The following RGS6 variants were observed in gnomAD, a reference collection of about 807,000 sequenced individuals.
RGS6 encodes regulator of G-protein signaling 6.
A neutral mutation model predicts 78.5 loss-of-function variants in RGS6; 30 were observed. The observed-to-expected ratio is 0.38, with a 90% CI of 0.29 to 0.52. The LOEUF (loss-of-function observed/expected upper bound fraction) is 0.52, where lower values mean the gene tolerates loss of function less well. RGS6 is among the 20% of genes least tolerant of loss of function. The pLI is 0.85. For missense variants in RGS6, 495 were observed against 609.7 expected, an observed-to-expected ratio of 0.81 and a Z score of 1.98; for synonymous variants, 206 against 206.0, an observed-to-expected ratio of 1.00 and a Z score of 0.00.
upstream of RGS6, among the ~76,000 whole-genome samples, chr14:71,931,154 A>AT (rs1426921861): frequency 1.3e-5 from 2 of 152,132 alleles, no homozygotes; most frequent in Admixed American, 1.3e-4. Context: ...GGAAAGAAAG[A>AT]TTTTATATTT....
chr14:72,127,473 G>C (rs1301337190), intron 2 of RGS6, among the ~76,000 whole-genome samples: 1 of 151,978 alleles, frequency 6.6e-6, no homozygotes, highest in Non-Finnish European at 1.5e-5. Flanking sequence ...TTCTTAAGCT[G>C]GGTTTCATTA....
chr14:72,606,362 A>T, the RGS6 span, among the ~76,000 whole-genome samples: 1 of 152,212 alleles, frequency 6.6e-6, no homozygotes, highest in Non-Finnish European at 1.5e-5. Context: ...AATGTCACCC[A>T]GCCAGATAAG....
At chr14:72,289,009 A>C (rs1288668767) in intron 2 of RGS6, among the ~76,000 whole-genome samples, 1 of 152,218 alleles carries the variant, frequency 6.6e-6, no homozygotes, top group Admixed American at 6.5e-5. Flanking sequence ...CAGAGCCACG[A>C]AACCCAAATT....
the RGS6 span, among the ~76,000 whole-genome samples, chr14:72,624,929 C>T: frequency 0.014 from 2,147 of 152,242 alleles, 56 homozygotes; most frequent in African/African-American, 0.048. Context: ...GAGGCCAGTA[C>T]GTCTTATTAC....
At chr14:71,954,050 C>A (rs148800987) in intron 1 of RGS6, among the ~76,000 whole-genome samples, 1 of 121,216 alleles carries the variant, frequency 8.2e-6, no homozygotes, top group Non-Finnish European at 1.6e-5. Flanking sequence ...TAATTCTTAT[C>A]CTCATTCTTC....
At chr14:72,370,801 T>C (rs1166122270) in intron 3 of RGS6, among the ~76,000 whole-genome samples, 3 of 152,258 alleles carry the variant, frequency 2.0e-5, no homozygotes, top group Non-Finnish European at 4.4e-5. Flanking sequence ...AGCACTTTTC[T>C]GTTTGTATAA....
intron 2 of RGS6, among the ~76,000 whole-genome samples, chr14:72,078,732 A>G (rs1466036156): frequency 6.6e-6 from 1 of 152,074 alleles, no homozygotes; most frequent in African/African-American, 2.4e-5. Flanking sequence ...ATTTCTTTAT[A>G]GCAGTGTGAG....
At chr14:72,228,921 G>A (rs942095725) in intron 2 of RGS6, among the ~76,000 whole-genome samples, 11 of 152,256 alleles carry the variant, frequency 7.2e-5, no homozygotes, top group South Asian at 2.1e-4. Context: ...CGGGCAAGGC[G>A]GCAGGTGCCT....
chr14:72,216,788 C>G (rs1466353992), intron 2 of RGS6, among the ~76,000 whole-genome samples: 1 of 152,108 alleles, frequency 6.6e-6, no homozygotes, highest in Non-Finnish European at 1.5e-5. Flanking sequence ...TCTTGCTTGT[C>G]TCTCTGCTTT....
chr14:72,174,758 C>G (rs115384240), intron 2 of RGS6, among the ~76,000 whole-genome samples: 1 of 150,784 alleles, frequency 6.6e-6, no homozygotes, highest in Non-Finnish European at 1.5e-5. Context: ...TGACAACCCA[C>G]CTATCAGAGC....
chr14:72,503,959 A>G (rs1598420251), intron 13 of RGS6, among the ~76,000 whole-genome samples: 1 of 152,288 alleles, frequency 6.6e-6, no homozygotes, highest in South Asian at 2.1e-4. Context: ...TGCAGCCCAT[A>G]TTGCAGCTTT....
intron 3 of RGS6, among the ~76,000 whole-genome samples, chr14:72,355,700 A>G (rs1162669956): frequency 6.6e-6 from 1 of 152,184 alleles, no homozygotes; most frequent in Non-Finnish European, 1.5e-5. Context: ...AAAATACACA[A>G]AAGGATGGGA....
chr14:72,387,105 G>GA (rs200369360), intron 3 of RGS6, among the ~76,000 whole-genome samples: 218 of 151,918 alleles, frequency 1.4e-3, no homozygotes, highest in Non-Finnish European at 2.1e-3. Context: ...TAAATAGGGA[G>GA]AAAAAATATG....
intron 5 of RGS6, among the ~76,000 whole-genome samples, chr14:72,458,936 T>G (rs1207491114): frequency 1.3e-5 from 2 of 152,204 alleles, no homozygotes; most frequent in African/African-American, 4.8e-5. Flanking sequence ...ATTCAGACCA[T>G]GGTAGACACT....
At chr14:72,011,498 T>C (rs2085708474) in intron 2 of RGS6, among the ~76,000 whole-genome samples, 3 of 152,180 alleles carry the variant, frequency 2.0e-5, no homozygotes, top group Non-Finnish European at 2.9e-5. Context: ...GAATACAGCT[T>C]TGAAGGCAAT....
intron 2 of RGS6, among the ~76,000 whole-genome samples, chr14:72,063,766 G>A (rs1234364390): frequency 1.3e-5 from 2 of 151,964 alleles, no homozygotes; most frequent in Non-Finnish European, 2.9e-5. Flanking sequence ...AGATTTGTAC[G>A]GAGACATATA....
rs770552858 is a variant in RGS6, at chr14:72,482,031, C to T, written c.854+3702C>T. Among the ~76,000 whole-genome samples, 4 of 152,140 alleles carry T rather than the reference C, an allele frequency of 2.6e-5. No homozygotes were observed. The South Asian group carries it at 6.2e-4, about 24-fold the overall frequency. ...TTCACCATGTTAGTCAGGATGGTCT[C>T]GATCTCCTGACGTCGTGATCCGCCC... On this transcript the variant is annotated intron_variant, in intron 12 of 17. Transcript: ENST00000553525.
At chr14:72,501,288 T>A (rs2096721900) in intron 13 of RGS6, among the ~76,000 whole-genome samples, 1 of 152,114 alleles carries the variant, frequency 6.6e-6, no homozygotes, top group South Asian at 2.1e-4. Flanking sequence ...ACGGATAAGA[T>A]GACATAGGAT....
intron 2 of RGS6, among the ~76,000 whole-genome samples, chr14:72,289,319 T>C (rs974132505): frequency 4.5e-5 from 6 of 132,874 alleles, no homozygotes; most frequent in African/African-American, 1.6e-4. Context: ...TTCATTCTTA[T>C]TTTCTTTCTT....
Sources: allele counts gnomAD v4.1 joint callset (sites outside exome capture counted in the v4.1 genomes callset), GRCh38; gene constraint gnomAD v4.1.1; transcripts MANE v1.5; gene names NCBI Gene and HGNC (gene_info 2026-07-23, HGNC 2026-07-21).